The following FRMPD4 variants were observed in gnomAD, a reference collection of about 807,000 sequenced individuals.
FRMPD4 encodes the protein FERM and PDZ domain containing 4.
In FRMPD4, 22 loss-of-function variants were observed where a neutral mutation model predicts 94.1. The ratio of observed to expected loss-of-function variants is 0.23; its 90% CI spans 0.17 to 0.33. The LOEUF is 0.33. Among genes scored for constraint, FRMPD4 ranks in the 10% least tolerant of loss-of-function variants. The pLI is 1.00. For synonymous variants in FRMPD4, 631 were observed against 548.6 expected, an observed-to-expected ratio of 1.15 and a Z score of -2.10; for missense variants, 1,111 against 1,339.9, an observed-to-expected ratio of 0.83 and a Z score of 2.67.
chrX:12,538,279 G>A (rs1278343975), intron 2 of FRMPD4, among the ~76,000 whole-genome samples: 1 of 111,572 alleles, frequency 9.0e-6, no homozygotes, highest in Admixed American at 9.5e-5. Flanking sequence ...CAGGCTGGGG[G>A]AGGGGCGCCC....
chrX:12,411,501 G>A (rs985892321), intron 1 of FRMPD4, among the ~76,000 whole-genome samples: 1 of 112,199 alleles, frequency 8.9e-6, no homozygotes, highest in African/African-American at 3.2e-5. Context: ...AGCACTAGAC[G>A]TAATTCAGTT....
At chrX:11,964,025 T>C (rs983737466) in intron 3 of FRMPD4, among the ~76,000 whole-genome samples, 3 of 111,823 alleles carry the variant, frequency 2.7e-5, no homozygotes, top group African/African-American at 6.5e-5. Context: ...TCCTAGCACA[T>C]GTTTCTCAAA....
chrX:12,614,443 G>T (rs1163231179), intron 3 of FRMPD4, among the ~76,000 whole-genome samples: 1 of 110,578 alleles, frequency 9.0e-6, no homozygotes, highest in African/African-American at 3.3e-5. Context: ...CTGGGAGCTT[G>T]TGAGAACTGC....
chrX:12,479,456 GTATATATGTA>G (rs1371636810), intron 1 of FRMPD4, among the ~76,000 whole-genome samples: 22 of 25,126 alleles, frequency 8.8e-4, no homozygotes, highest in African/African-American at 2.3e-3. Context: ...GTATATATAT[GTATATATGTA>G]TATATATGTA....
intron 2 of FRMPD4, among the ~76,000 whole-genome samples, chrX:12,539,443 C>T (rs1216683765): frequency 1.8e-5 from 2 of 111,410 alleles, no homozygotes; most frequent in Non-Finnish European, 3.8e-5. Flanking sequence ...GAGAACGCCA[C>T]AAAGATACTC....
intron 2 of FRMPD4, among the ~76,000 whole-genome samples, chrX:12,557,259 G>GC (rs3066469): frequency 9.1e-6 from 1 of 110,092 alleles, no homozygotes; most frequent in African/African-American, 3.3e-5. Flanking sequence ...GAGAGAAGAG[G>GC]TAGCAAAGGT....
At chrX:12,679,901 C>T (rs1212539749) in intron 5 of FRMPD4, among the ~76,000 whole-genome samples, 4 of 111,405 alleles carry the variant, frequency 3.6e-5, no homozygotes, top group African/African-American at 6.5e-5. Flanking sequence ...CCTGTGAGCA[C>T]CTCCCAAATC....
At chrX:12,542,669 A>G (rs185235172) in intron 2 of FRMPD4, among the ~76,000 whole-genome samples, 1 of 112,013 alleles carries the variant, frequency 8.9e-6, no homozygotes, top group Admixed American at 9.5e-5. Flanking sequence ...TGCCCAAGGT[A>G]ATTCATAGAC....
intron 3 of FRMPD4, among the ~76,000 whole-genome samples, chrX:12,096,677 G>A (rs1028221409): frequency 2.7e-5 from 3 of 111,527 alleles, no homozygotes; most frequent in Non-Finnish European, 5.6e-5. Flanking sequence ...TTGAGCCCAG[G>A]AGTTTGATGC....
chrX:12,704,301 G>A, intron 10 of FRMPD4, 58 bp from the exon 11 acceptor site: 1 of 951,140 alleles, frequency 1.1e-6, no homozygotes, highest in Non-Finnish European at 1.4e-6. Flanking sequence ...GCACCATTTT[G>A]TCTTAGATAA....
At chrX:12,598,948 C>G (rs2059058385) in intron 2 of FRMPD4, among the ~76,000 whole-genome samples, 2 of 112,291 alleles carry the variant, frequency 1.8e-5, no homozygotes, top group South Asian at 7.4e-4. Flanking sequence ...AAAAATATCT[C>G]TTTTATCAAA....
intron 5 of FRMPD4, among the ~76,000 whole-genome samples, chrX:12,678,673 A>G (rs1285490589): frequency 8.9e-6 from 1 of 111,842 alleles, no homozygotes; most frequent in East Asian, 2.8e-4. Flanking sequence ...TAAAAATACA[A>G]AATTAGCCAG....
intron 1 of FRMPD4, among the ~76,000 whole-genome samples, chrX:12,176,330 C>A (rs887479025): frequency 2.3e-4 from 26 of 111,544 alleles, no homozygotes; most frequent in Non-Finnish European, 9.4e-5. Flanking sequence ...CAAAATACTT[C>A]GTATTCCTTT....
intron 3 of FRMPD4, among the ~76,000 whole-genome samples, chrX:12,076,895 A>T (rs2055023781): frequency 9.0e-6 from 1 of 111,596 alleles, no homozygotes; most frequent in Non-Finnish European, 1.9e-5. Context: ...GTTCATCATG[A>T]ATGCCTCCAG....
chrX:12,334,678 T>C (rs1053689598), intron 1 of FRMPD4, among the ~76,000 whole-genome samples: 10 of 110,894 alleles, frequency 9.0e-5, no homozygotes, highest in Non-Finnish European at 1.7e-4. Context: ...CTTGTGGTTA[T>C]TAACTTTGAG....
At chrX:12,524,494 A>G (rs903372962) in intron 2 of FRMPD4, among the ~76,000 whole-genome samples, 22 of 111,646 alleles carry the variant, frequency 2.0e-4, no homozygotes, top group African/African-American at 7.2e-4. Context: ...GAAGCACTCA[A>G]GTCTTAGCTT....
chrX:12,640,993 G>A (rs1415578460), intron 4 of FRMPD4, among the ~76,000 whole-genome samples: 1 of 111,233 alleles, frequency 9.0e-6, no homozygotes, highest in Non-Finnish European at 1.9e-5. Flanking sequence ...GGCCAGATTG[G>A]GCAACATAGT....
chrX:12,412,583 C>G (rs1285829717), intron 1 of FRMPD4, among the ~76,000 whole-genome samples: 1 of 112,387 alleles, frequency 8.9e-6, no homozygotes, highest in African/African-American at 3.2e-5. Context: ...GATAAAACAC[C>G]TCTATAGCAT....
intron 1 of FRMPD4, among the ~76,000 whole-genome samples, chrX:12,433,641 G>A (rs1390397770): frequency 4.5e-5 from 5 of 112,171 alleles, no homozygotes; most frequent in Non-Finnish European, 9.4e-5. Context: ...GGCCCGTACA[G>A]GTACACCTTA....
Sources: gnomAD v4.1 joint callset for allele counts (sites outside exome capture counted in the v4.1 genomes callset) on GRCh38, gnomAD v4.1.1 for gene constraint, MANE v1.5 for transcripts, NCBI Gene and HGNC (gene_info 2026-07-23, HGNC 2026-07-21) for gene names.